Variants in SNCAIP observed in about 807,000 individuals in gnomAD.
SNCAIP encodes the protein synuclein alpha interacting protein.
SNCAIP carries 43 observed loss-of-function variants against 86.7 expected under a neutral mutation model. That is an observed-to-expected ratio of 0.50 (90% CI 0.39 to 0.64). The LOEUF is 0.64. Among genes scored for constraint, SNCAIP ranks in the 30% least tolerant of loss-of-function variants. The pLI, the probability that SNCAIP is intolerant of heterozygous loss-of-function variation, is 0.00. For synonymous variants in SNCAIP, 417 were observed against 427.2 expected (o/e 0.98, Z 0.29); for missense variants, 981 against 1,103.1 (o/e 0.89, Z 1.57).
rs753238008 is a variant in SNCAIP at position 122,450,933 on chromosome 5, G to A, written c.2086G>A (p.Ala696Thr). The A allele has an allele frequency of 1.6e-5, 26 of 1,614,136 alleles. 1 individual carries two copies. The South Asian group carries it at 2.5e-4, about 16-fold the overall frequency. Residue 696 changes from alanine (A) to threonine (T), a missense_variant, in exon 10 of 11, where the codon GCT becomes ACT. Transcript: ENST00000261368. The stretch of plus-strand genomic sequence containing the variant: ...CCCCAAGACTACCCCAGTGAGGAAG[G>A]CTGACCGACCAAGGCCGCAGCCCAT... ...EDPKTTPVRK[A>T]DRPRPQPIVE... is the part of the protein sequence containing the mutation.
chr5:122,405,613 G>T (rs965275307), intron 3 of SNCAIP, among the ~76,000 whole-genome samples: 2 of 152,132 alleles, frequency 1.3e-5, no homozygotes, highest in Non-Finnish European at 2.9e-5. Context: ...TCCAGATTCT[G>T]TTATATTATC....
At chr5:122,422,017 A>G (rs1409490093) in intron 3 of SNCAIP, among the ~76,000 whole-genome samples, 1 of 102,000 alleles carries the variant, frequency 9.8e-6, no homozygotes, top group Non-Finnish European at 2.1e-5. Context: ...TTAGAAAAAA[A>G]AAAAAAAAAA....
chr5:122,436,675 A>C (rs1779561033), intron 6 of SNCAIP: 1 of 152,188 alleles, frequency 6.6e-6, no homozygotes, highest in African/African-American at 2.4e-5. Flanking sequence ...ATGATCACAA[A>C]GCTAACTCCT....
At chr5:122,329,473 T>A (rs910783737) in intron 1 of SNCAIP, among the ~76,000 whole-genome samples, 2 of 152,172 alleles carry the variant, frequency 1.3e-5, no homozygotes, top group South Asian at 2.1e-4. Context: ...CTCCTTTCTA[T>A]CCCCATTTCC....
In SNCAIP at chr5:122,357,919, T is replaced by G. The variant is rs192754392; in HGVS notation, c.-46-33170T>G. 2.2e-3 allele frequency among the ~76,000 whole-genome samples: 329 copies of G among 152,136 alleles called. 5 individuals carry two copies. The highest frequency in any genetic ancestry group is 5.0e-4 in the Non-Finnish European group (34 of 67,998). On this transcript the variant is annotated intron_variant, in intron 1 of 10. Coordinates refer to ENST00000261368, the MANE Select transcript of SNCAIP (RefSeq NM_005460.4). ...TCTGCTGGACAATGCTGTATTAAAA[T>G]ATGAGTTCCCTGAGGGCAGACAGCC...
chr5:122,405,559 CAATT>C (rs2152880260), intron 3 of SNCAIP, among the ~76,000 whole-genome samples: 1 of 152,222 alleles, frequency 6.6e-6, no homozygotes, highest in South Asian at 2.1e-4. Context: ...AGTCACACAG[CAATT>C]AAGTTACAGA....
intron 1 of SNCAIP, among the ~76,000 whole-genome samples, chr5:122,330,117 C>CT (rs1212303157): frequency 0.015 from 1,449 of 96,766 alleles, 101 homozygotes; most frequent in African/African-American, 0.019. Flanking sequence ...AACTTCATTT[C>CT]TTTTTTTTTT....
At chr5:122,354,991 T>A (rs1760714128) in intron 1 of SNCAIP, among the ~76,000 whole-genome samples, 1 of 152,228 alleles carries the variant, frequency 6.6e-6, no homozygotes, top group Admixed American at 6.5e-5. Flanking sequence ...TCTGGTTTTA[T>A]GTTCCAAAAG....
In SNCAIP at chr5:122,378,609, C is replaced by T. The variant is rs1440053475; in HGVS notation, c.-46-12480C>T. 8.5e-4 allele frequency among the ~76,000 whole-genome samples: 120 copies of T among 141,056 alleles called. 16 individuals carry two copies. Among genetic ancestry groups the T allele is most frequent in the Non-Finnish European group, 3.4e-4 (22 of 64,654 alleles). 92.5% of individuals were successfully genotyped at this position (141,056 alleles called of 152,430 possible). On this transcript the variant is annotated intron_variant, in intron 1 of 10. Transcript: ENST00000261368. ...CTTTTGGTGTTCTGGACATGAACTC[C>T]TTGCCCATGCCTATGTCCTGAATGG... is the stretch of plus-strand genomic sequence containing the variant.
chr5:122,454,875 G>A (rs1209037970), intron 10 of SNCAIP, among the ~76,000 whole-genome samples: 1 of 152,152 alleles, frequency 6.6e-6, no homozygotes, highest in Non-Finnish European at 1.5e-5. Context: ...GAACAAAGCT[G>A]AGACATCTGT....
At chr5:122,371,178 G>T (rs922215143) in intron 1 of SNCAIP, among the ~76,000 whole-genome samples, 2 of 151,870 alleles carry the variant, frequency 1.3e-5, no homozygotes, top group Non-Finnish European at 2.9e-5. Flanking sequence ...GGCTGAACAT[G>T]CTCCTGTAGT....
At chr5:122,328,670 T>G (rs1036538270) in intron 1 of SNCAIP, among the ~76,000 whole-genome samples, 4 of 152,242 alleles carry the variant, frequency 2.6e-5, no homozygotes, top group Non-Finnish European at 5.9e-5. Flanking sequence ...TCTTGCTCCG[T>G]TAACACATTG....
intron 1 of SNCAIP, among the ~76,000 whole-genome samples, chr5:122,385,887 A>G (rs574883505): frequency 3.6e-4 from 55 of 152,274 alleles, no homozygotes; most frequent in African/African-American, 1.3e-3. Context: ...TGGTAAATGG[A>G]GCAATAGCGA....
chr5:122,321,866 T>G (rs1325777956), intron 1 of SNCAIP: 3 of 152,154 alleles, frequency 2.0e-5, no homozygotes, highest in African/African-American at 7.2e-5. Flanking sequence ...ATACACCTTG[T>G]TTAGTTTTTG....
At chr5:122,391,496 T>C (rs1769350616) in intron 2 of SNCAIP, among the ~76,000 whole-genome samples, 1 of 152,234 alleles carries the variant, frequency 6.6e-6, no homozygotes, top group East Asian at 1.9e-4. Flanking sequence ...GCCACTTTCA[T>C]AGAGTTAATT....
chr5:122,402,302 C>A (rs1012770528), intron 2 of SNCAIP, among the ~76,000 whole-genome samples: 1 of 152,096 alleles, frequency 6.6e-6, no homozygotes, highest in Admixed American at 6.6e-5. Context: ...CCTTGTGTAC[C>A]TGTGCTACCC....
chr5:122,443,643 C>T (rs1275153418), intron 7 of SNCAIP: 3 of 456,914 alleles, frequency 6.6e-6, no homozygotes, highest in Middle Eastern at 6.5e-4. Flanking sequence ...TAGCTCCTAT[C>T]CCCCTATCTC....
chr5:122,353,670 A>G (rs1294862724), intron 1 of SNCAIP, among the ~76,000 whole-genome samples: 1 of 152,162 alleles, frequency 6.6e-6, no homozygotes, highest in Non-Finnish European at 1.5e-5. Flanking sequence ...TCCCCTGCAC[A>G]AGCTCTCTCT....
chr5:122,387,495 T>A (rs1768428353), intron 1 of SNCAIP, among the ~76,000 whole-genome samples: 1 of 152,180 alleles, frequency 6.6e-6, no homozygotes, highest in Non-Finnish European at 1.5e-5. Context: ...CTGGAAAGCG[T>A]AAAAAATGTA....
Sources: allele counts gnomAD v4.1 joint callset (sites outside exome capture counted in the v4.1 genomes callset), GRCh38; gene constraint gnomAD v4.1.1; transcripts MANE v1.5; gene names NCBI Gene and HGNC (gene_info 2026-07-23, HGNC 2026-07-21).